The following PHOX2A variants were observed in gnomAD, a reference collection of about 807,000 sequenced individuals.
PHOX2A encodes paired like homeobox 2A, also known as paired mesoderm homeobox protein 2A.
A neutral mutation model predicts 16.4 loss-of-function variants in PHOX2A; 10 were observed. The observed-to-expected ratio is 0.61, with a 90% confidence interval of 0.38 to 1.04. The LOEUF (loss-of-function observed/expected upper bound fraction) is 1.04, where lower values mean the gene tolerates loss of function less well. Ranked by LOEUF, PHOX2A falls within the 50% of genes least tolerant of loss-of-function variation. PHOX2A has a pLI of 0.01. For missense variants in PHOX2A, 361 were observed against 419.4 expected, an observed-to-expected ratio of 0.86 and a Z score of 1.22; for synonymous variants, 219 against 203.8, an observed-to-expected ratio of 1.07 and a Z score of -0.64.
chr11:72,241,837 G>A (rs2135456639), intron 1 of PHOX2A, among the ~76,000 whole-genome samples: 1 of 151,578 alleles, frequency 6.6e-6, no homozygotes, highest in African/African-American at 2.4e-5. Context: ...GCTCTCAGCT[G>A]TATACAGATT....
chr11:72,240,308 G>T, intron 2 of PHOX2A, 110 bp from the exon 3 acceptor site: 11 of 1,418,284 alleles, frequency 7.8e-6, no homozygotes, highest in Non-Finnish European at 8.4e-6. Flanking sequence ...CCGGGCCCGG[G>T]TTCTTACTAG....
At position 72,243,817 on chromosome 11, in the gene PHOX2A, C is replaced by T. The variant is rs1949140551; in HGVS notation, c.188G>A (p.Arg63His). 4 of 1,249,706 alleles carry T rather than the reference C, an allele frequency of 3.2e-6. No homozygotes were observed. Among genetic ancestry groups the T allele is most frequent in the Admixed American group, 4.2e-5 (1 of 23,788 alleles). 77.4% of individuals were successfully genotyped at this position (1,249,706 alleles called of 1,614,324 possible). A position where few individuals can be genotyped will look rare whatever the true frequency, so the allele number is the denominator to read the frequency against. ...CGAGTAGGGCGCGGGCTGGTGGTCG[C>T]GTAGGGCGCCAAGTGCGCAGTTGGA... ...GSSNCALGAL[R>H]DHQPAPYSAV... The change falls in exon 1 of 3, where the codon CGC (arginine) becomes CAC (histidine). Residue 63 changes from arginine (R) to histidine (H), a missense_variant. Physicochemically the swap from Arg to His is conservative, Grantham distance 29. Transcript: ENST00000298231.
chr11:72,244,031 G>C lies in PHOX2A; in HGVS notation c.-27C>G. The C allele has an allele frequency of 8.7e-7, 1 of 1,147,414 alleles. No individual in the cohort carries two copies. Among genetic ancestry groups the C allele is most frequent in the Non-Finnish European group, 1.1e-6 (1 of 898,676 alleles). The allele number at this position is 1,147,414 out of a possible 1,614,324, so 71.1% of individuals were successfully genotyped here. A position where few individuals can be genotyped will look rare whatever the true frequency, so the allele number is the denominator to read the frequency against. ...GGCCCGGGGGGCGGGGGCGGGGGCC[G>C]GGCCAGGCCGGGTCGGGGTCGGGGT... On this transcript the variant is annotated 5_prime_UTR_variant, in exon 1 of 3. Transcript: ENST00000298231.
chr11:72,239,921 T>C lies in PHOX2A; in HGVS notation c.683A>G (p.Lys228Arg). 1 of 1,316,064 alleles carries C rather than the reference T, an allele frequency of 7.6e-7. No individual in the cohort carries two copies. Among genetic ancestry groups the C allele is most frequent in the Admixed American group, 3.9e-5 (1 of 25,552 alleles). 81.5% of individuals were successfully genotyped at this position (1,316,064 alleles called of 1,614,324 possible). A position where few individuals can be genotyped will look rare whatever the true frequency, so the allele number is the denominator to read the frequency against. The change falls in exon 3 of 3, where the codon AAG (lysine) becomes AGG (arginine). Residue 228 changes from lysine to arginine, a missense_variant. This residue lies in a region of PHOX2A where 55 missense variants were observed against 101.6 expected (regional missense o/e 0.54). Coordinates refer to ENST00000298231, the MANE Select transcript of PHOX2A (RefSeq NM_005169.4). ...CGCCACACCGGCCCACAGTGCGCCC[T>C]TGAGCGGCTGTGGCCCCGGCCCAGG... Reference protein sequence around the residue: ...PGPGPGPQPLKGALWAGVAGG... With the variant: ...PGPGPGPQPLRGALWAGVAGG...
At position 72,239,744 on chromosome 11, in the gene PHOX2A, G is replaced by GGCAGCTAGAAGAGCCCCGCT; in HGVS notation, c.*4_*5insAGCGGGGCTCTTCTAGCTGC. Reference sequence around the variant, plus strand: ...GGCAGGCTCGGAGCCTCCAGAGGCCGGCAGCTAGAAGAGATTGGTCTTCAG... The same window carrying GGCAGCTAGAAGAGCCCCGCT: ...GGCAGGCTCGGAGCCTCCAGAGGCCGGCAGCTAGAAGAGCCCCGCTGCAGCTAGAAGAGATTGGTCTTCAG... On this transcript the variant is annotated 3_prime_UTR_variant, in exon 3 of 3. Transcript: ENST00000298231. 1 of 1,309,630 alleles carries GGCAGCTAGAAGAGCCCCGCT rather than the reference G, an allele frequency of 7.6e-7. No homozygotes were observed. Among genetic ancestry groups the GGCAGCTAGAAGAGCCCCGCT allele is most frequent in the Non-Finnish European group, 9.8e-7 (1 of 1,021,190 alleles). The allele number at this position is 1,309,630 out of a possible 1,614,324, so 81.1% of individuals were successfully genotyped here. A position where few individuals can be genotyped will look rare whatever the true frequency, so the allele number is the denominator to read the frequency against.
chr11:72,241,312 C>CGGGGGGGTGTGGGCGGGGGGGCG, intron 1 of PHOX2A, 23 bp from the exon 2 acceptor site: 1 of 399,392 alleles, frequency 2.5e-6, no homozygotes. Context: ...GCAGGGGGGC[C>CGGGGGGGTGTGGGCGGGGGGGCG]GGGGGGGGGG....
At position 72,241,089 on chromosome 11, in the gene PHOX2A, T is replaced by A. The variant is rs752023183; in HGVS notation, c.405+13A>T. Reference sequence around the variant, plus strand: ...CCATGCGCACTCTCGTACACACACGTGCATACACGCACCTGCACGCGAGCC... The same window carrying A: ...CCATGCGCACTCTCGTACACACACGAGCATACACGCACCTGCACGCGAGCC... On this transcript the variant is annotated intron_variant, in intron 2 of 2. Coordinates refer to ENST00000298231, the MANE Select transcript of PHOX2A (RefSeq NM_005169.4). 1 of 1,613,202 alleles carries A rather than the reference T, an allele frequency of 6.2e-7. No individual in the cohort carries two copies.
At position 72,241,101 on chromosome 11, in the gene PHOX2A, C is replaced by A. The variant is rs893183101; in HGVS notation, c.405+1G>T. 1 of 1,613,608 alleles carries A rather than the reference C, an allele frequency of 6.2e-7. No individual in the cohort carries two copies. Among genetic ancestry groups the A allele is most frequent in the Non-Finnish European group, 8.5e-7 (1 of 1,179,766 alleles). On this transcript the variant is annotated splice_donor_variant, in intron 2 of 2. Coordinates refer to ENST00000298231, the MANE Select transcript of PHOX2A (RefSeq NM_005169.4). LOFTEE classifies it high-confidence loss of function. ...TCGTACACACACGTGCATACACGCA[C>A]CTGCACGCGAGCCTCAGTGAGGTCG...
At chr11:72,241,312 C>T (rs562276635) in intron 1 of PHOX2A, 23 bp from the exon 2 acceptor site, 3 of 399,386 alleles carry the variant, frequency 7.5e-6, no homozygotes, top group Non-Finnish European at 7.8e-6. Flanking sequence ...GCAGGGGGGC[C>T]GGGGGGGGGG....
chr11:72,242,644 G>GTCTTCT (rs556523561), intron 1 of PHOX2A, among the ~76,000 whole-genome samples: 15 of 151,248 alleles, frequency 9.9e-5, no homozygotes, highest in African/African-American at 3.4e-4. Context: ...CTAGGGCCCA[G>GTCTTCT]TCTTCTTCTT....
intron 1 of PHOX2A, among the ~76,000 whole-genome samples, chr11:72,242,501 T>C (rs1949130260): frequency 6.6e-6 from 1 of 152,110 alleles, no homozygotes; most frequent in Admixed American, 6.5e-5. Context: ...CAAAACCCTG[T>C]ATCTCTGGAG....
chr11:72,239,948 CCCG>C lies in PHOX2A; in HGVS notation c.653_655del (p.Pro218_Gly219delinsArg), dbSNP rs1384211790. On this transcript the variant is annotated inframe_deletion, in exon 3 of 3. Transcript: ENST00000298231. The stretch of plus-strand genomic sequence containing the variant: ...GAGCGGCTGTGGCCCCGGCCCAGGT[CCCG>C]GCCCGGAGCCCAGTGCGACGGGCAG... The C allele has an allele frequency of 4.6e-6, 6 of 1,299,990 alleles. No individual in the cohort carries two copies. In the East Asian group the frequency reaches 1.9e-4, roughly 41 times the overall value. 80.5% of individuals were successfully genotyped at this position (1,299,990 alleles called of 1,614,324 possible). A position where few individuals can be genotyped will look rare whatever the true frequency, so the allele number is the denominator to read the frequency against.
chr11:72,240,349 C>T (rs1408212065), intron 2 of PHOX2A, 151 bp from the exon 3 acceptor site: 6 of 1,072,046 alleles, frequency 5.6e-6, no homozygotes, highest in East Asian at 5.5e-5. Flanking sequence ...CCGCACGCAG[C>T]CCGCTGCACT....
intron 1 of PHOX2A, 21 bp from the exon 2 acceptor site, chr11:72,241,310 G>GC: frequency 1.7e-6 from 2 of 1,191,856 alleles, no homozygotes; most frequent in Admixed American, 2.4e-5. Context: ...GTGCAGGGGG[G>GC]CCGGGGGGGG....
intron 2 of PHOX2A, 34 bp from the exon 3 acceptor site, chr11:72,240,232 G>A (rs1369077753): frequency 3.9e-6 from 6 of 1,529,740 alleles, no homozygotes; most frequent in Non-Finnish European, 4.4e-6. Flanking sequence ...CCTGGACGAG[G>A]GTCGGAGAAC....
chr11:72,241,012 G>T, intron 2 of PHOX2A, 90 bp downstream of exon 2: 1 of 1,383,924 alleles, frequency 7.2e-7, no homozygotes. Context: ...GGCTGCATCT[G>T]CCTGTATTCC....
chr11:72,241,174 C>G lies in PHOX2A; in HGVS notation c.333G>C (p.Glu111Asp). Residue 111 changes from glutamate (E) to aspartate (D), a missense_variant, in exon 2 of 3, where the codon GAG (glutamate) becomes GAC (aspartate). By Grantham distance (45) the Glu-to-Asp change is conservative. This residue lies in a region of PHOX2A where 235 missense variants were observed against 263.8 expected (regional missense o/e 0.89). Transcript: ENST00000298231. ...QLKELERVFA[E>D]THYPDIYTRE... Reference sequence around the variant, plus strand: ...GCGTGTAAATGTCGGGGTAGTGGGTCTCAGCGAAAACGCGCTCCAGCTCCT... The same window carrying G: ...GCGTGTAAATGTCGGGGTAGTGGGTGTCAGCGAAAACGCGCTCCAGCTCCT... The G allele has an allele frequency of 6.2e-7, 1 of 1,613,992 alleles. No homozygotes were observed. The highest frequency in any genetic ancestry group is 8.5e-7 in the Non-Finnish European group (1 of 1,180,024).
At position 72,239,842 on chromosome 11, in the gene PHOX2A, C is replaced by T; in HGVS notation, c.762G>A (p.Trp254Ter). Residue 254 changes from tryptophan to a stop codon, truncating the protein, a stop_gained, in exon 3 of 3, where the codon TGG becomes TGA. Coordinates refer to ENST00000298231, the MANE Select transcript of PHOX2A (RefSeq NM_005169.4). LOFTEE classifies it high-confidence loss of function. ...GCCCGGGGCCGGACTCCGCCGGCTG[C>T]CAAGCCTTAAGTAGTTCGGCCGCTC... Reference protein sequence around the residue: ...GAGAAELLKAWQPAESGPGPF... With the variant: ...GAGAAELLKA The T allele has an allele frequency of 7.3e-7, 1 of 1,376,452 alleles. No homozygotes were observed. The highest frequency in any genetic ancestry group is 9.5e-7 in the Non-Finnish European group (1 of 1,054,324). The allele number at this position is 1,376,452 out of a possible 1,614,324, so 85.3% of individuals were successfully genotyped here.
chr11:72,243,538 G>A (rs1459777161), intron 1 of PHOX2A, among the ~76,000 whole-genome samples: 1 of 152,188 alleles, frequency 6.6e-6, no homozygotes, highest in Non-Finnish European at 1.5e-5. Flanking sequence ...AGCTGGATGG[G>A]GATATATTTC....
Sources: gnomAD v4.1 joint callset for allele counts (sites outside exome capture counted in the v4.1 genomes callset) on GRCh38, gnomAD v4.1.1 for gene constraint, gnomAD v4.1.1 regional missense constraint, MANE v1.5 for transcripts, NCBI Gene and HGNC (gene_info 2026-07-23, HGNC 2026-07-21) for gene names.